Variants in NRXN3 observed in about 807,000 individuals in gnomAD.
NRXN3 encodes the protein neurexin 3.
Under a neutral mutation model 137.6 loss-of-function variants are expected in NRXN3, and 32 were observed. The observed-to-expected ratio is 0.23, with a 90% confidence interval of 0.18 to 0.31. NRXN3 has a LOEUF of 0.31. Ranked by LOEUF, NRXN3 falls within the 10% of genes least tolerant of loss-of-function variation. The pLI is 1.00. For missense variants in NRXN3, 1,574 were observed against 2,062.5 expected (o/e 0.76, Z 4.59); for synonymous variants, 798 against 784.5 (o/e 1.02, Z -0.29).
intron 15 of NRXN3, among the ~76,000 whole-genome samples, chr14:79,415,327 T>C (rs571808710): frequency 3.3e-5 from 5 of 152,342 alleles, no homozygotes; most frequent in African/African-American, 1.2e-4. Flanking sequence ...AATGTGTCTG[T>C]ACTAAACATG....
intron 16 of NRXN3, among the ~76,000 whole-genome samples, chr14:79,507,450 G>A (rs935646188): frequency 6.6e-6 from 1 of 152,170 alleles, no homozygotes; most frequent in African/African-American, 2.4e-5. Context: ...TTATTGAGCT[G>A]GGAAGTGTTC....
chr14:78,710,520 CA>C (rs1205030257), intron 7 of NRXN3, among the ~76,000 whole-genome samples: 1 of 152,184 alleles, frequency 6.6e-6, no homozygotes, highest in East Asian at 1.9e-4. Context: ...TTTGCCATTT[CA>C]GACTCATTTC....
chr14:78,298,006 G>A (rs947680677), intron 4 of NRXN3, 146 bp downstream of exon 4: 28 of 839,806 alleles, frequency 3.3e-5, no homozygotes, highest in Non-Finnish European at 4.7e-5. Flanking sequence ...GGACCACCCT[G>A]CAGTGGGGGT....
chr14:79,177,166 G>A (rs531291688), intron 15 of NRXN3, among the ~76,000 whole-genome samples: 1 of 152,260 alleles, frequency 6.6e-6, no homozygotes, highest in African/African-American at 2.4e-5. Flanking sequence ...TTGGAGAGAA[G>A]GTGCTACATA....
At chr14:79,058,196 A>G (rs1004202285) in intron 15 of NRXN3, among the ~76,000 whole-genome samples, 2 of 152,084 alleles carry the variant, frequency 1.3e-5, no homozygotes, top group African/African-American at 2.4e-5. Context: ...GGGGTGATTA[A>G]AAGGATTGCT....
intron 16 of NRXN3, among the ~76,000 whole-genome samples, chr14:79,607,264 C>T (rs2098032601): frequency 6.6e-6 from 1 of 152,184 alleles, no homozygotes; most frequent in East Asian, 1.9e-4. Flanking sequence ...GTATACCAGA[C>T]ACTTGTAAAG....
intron 16 of NRXN3, among the ~76,000 whole-genome samples, chr14:79,489,269 T>C (rs2096688177): frequency 6.6e-6 from 1 of 152,164 alleles, no homozygotes; most frequent in Non-Finnish European, 1.5e-5. Context: ...GCCTCAGTGC[T>C]TTCATGGCTC....
chr14:79,864,904 A>G lies in NRXN3; in HGVS notation c.*2940A>G, dbSNP rs2099417459. On this transcript the variant is annotated 3_prime_UTR_variant, in exon 21 of 21. Transcript: ENST00000335750. Reference sequence around the variant, plus strand: ...GTAGGTGGGACTACAGGTGCCCGCCACCACGCCCGGCTAATTTTTTGTATT... The same window carrying G: ...GTAGGTGGGACTACAGGTGCCCGCCGCCACGCCCGGCTAATTTTTTGTATT... 6.6e-6 allele frequency: 1 copy of G among 152,174 alleles called. No homozygotes were observed. The highest frequency in any genetic ancestry group is 1.9e-4 in the East Asian group (1 of 5,156). The allele number at this position is 152,174 out of a possible 1,614,324, so 9.4% of individuals were successfully genotyped here.
intron 20 of NRXN3, among the ~76,000 whole-genome samples, chr14:79,840,489 T>C (rs2099353709): frequency 6.6e-6 from 1 of 152,152 alleles, no homozygotes; most frequent in Admixed American, 6.5e-5. Flanking sequence ...CCTGTGGAAG[T>C]TGTTTTTGTG....
intron 19 of NRXN3, among the ~76,000 whole-genome samples, chr14:79,776,985 G>T (rs1200824076): frequency 6.6e-6 from 1 of 152,102 alleles, no homozygotes; most frequent in Non-Finnish European, 1.5e-5. Flanking sequence ...CTTGCTTTCT[G>T]GCTCCTTCTC....
chr14:79,632,331 T>C (rs967884286), intron 16 of NRXN3: 3 of 155,818 alleles, frequency 1.9e-5, no homozygotes, highest in East Asian at 1.9e-4. Flanking sequence ...AGCCCACCAA[T>C]TCTGGACACA....
chr14:79,632,032 C>T (rs1468176783), intron 16 of NRXN3, among the ~76,000 whole-genome samples: 4 of 152,122 alleles, frequency 2.6e-5, no homozygotes, highest in African/African-American at 4.8e-5. Context: ...GCAGCGGCAT[C>T]CTGGTGGGTC....
intron 10 of NRXN3, among the ~76,000 whole-genome samples, chr14:78,859,701 C>T (rs777290749): frequency 1.8e-4 from 27 of 152,094 alleles, no homozygotes; most frequent in African/African-American, 5.1e-4. Context: ...TATCATCTCC[C>T]GAGATACTAG....
intron 19 of NRXN3, among the ~76,000 whole-genome samples, chr14:79,766,902 G>A (rs2099057884): frequency 6.6e-6 from 1 of 152,154 alleles, no homozygotes; most frequent in Admixed American, 6.5e-5. Context: ...TGGCTTTGCT[G>A]GAAGTGGGTT....
chr14:79,576,392 C>T (rs1228499239), intron 16 of NRXN3, among the ~76,000 whole-genome samples: 1 of 152,084 alleles, frequency 6.6e-6, no homozygotes, highest in African/African-American at 2.4e-5. Context: ...ACCTTCTTTC[C>T]CATGTGCTGA....
At chr14:79,246,349 C>T (rs2075179656) in intron 15 of NRXN3, among the ~76,000 whole-genome samples, 1 of 152,164 alleles carries the variant, frequency 6.6e-6, no homozygotes, top group Non-Finnish European at 1.5e-5. Flanking sequence ...TTCCCTCACT[C>T]ATGGAGCGAT....
At chr14:79,397,074 T>C (rs1172880743) in intron 15 of NRXN3, among the ~76,000 whole-genome samples, 2 of 152,194 alleles carry the variant, frequency 1.3e-5, no homozygotes, top group African/African-American at 4.8e-5. Flanking sequence ...AGAAAGGTGC[T>C]ATTGGGACAG....
At position 79,861,766 on chromosome 14, in the gene NRXN3, C is replaced by T; in HGVS notation, c.4518C>T (p.Ala1506=). ...TGMVVGIVAA[A]ALCILILLYA... ...TGGTCGTCGGCATTGTGGCTGCTGCCGCCCTCTGCATCTTGATCCTCCTGT... is the reference window on the plus strand; with the variant it reads ...TGGTCGTCGGCATTGTGGCTGCTGCTGCCCTCTGCATCTTGATCCTCCTGT... Residue 1506 remains alanine (A), a synonymous_variant, in exon 21 of 21, where the codon GCC becomes GCT. Coordinates refer to ENST00000335750, the MANE Select transcript of NRXN3 (RefSeq NM_001330195.2). This position sits in a 1 kb window ranked among gnomAD's most constrained non-coding sequence, Gnocchi z 5.4. The T allele has an allele frequency of 4.3e-6, 7 of 1,614,022 alleles. No individual in the cohort carries two copies. The highest frequency in any genetic ancestry group is 5.1e-6 in the Non-Finnish European group (6 of 1,180,008).
In NRXN3 at chr14:79,568,020, T is replaced by A. The variant is rs547074235; in HGVS notation, c.3445-95758T>A. On this transcript the variant is annotated intron_variant, in intron 16 of 20. Transcript: ENST00000335750. Reference sequence around the variant, plus strand: ...CATTCCAAAACAAGAGTACCTCTGTTTTGGGTGCTAGAGCATGCTTTATTT... The same window carrying A: ...CATTCCAAAACAAGAGTACCTCTGTATTGGGTGCTAGAGCATGCTTTATTT... Among the ~76,000 whole-genome samples, 3 of 152,280 alleles carry A rather than the reference T, an allele frequency of 2.0e-5. No individual in the cohort carries two copies. In the South Asian group the frequency reaches 6.2e-4, roughly 32 times the overall value.
Sources: gnomAD v4.1 joint callset for allele counts (sites outside exome capture counted in the v4.1 genomes callset) on GRCh38, gnomAD v4.1.1 for gene constraint, Gnocchi (gnomAD v3.1) non-coding constraint, MANE v1.5 for transcripts, NCBI Gene and HGNC (gene_info 2026-07-23, HGNC 2026-07-21) for gene names.